FBXO42: variants seen among roughly 807,000 people sequenced by gnomAD.
FBXO42 encodes F-box only protein 42.
A neutral mutation model predicts 71.7 loss-of-function variants in FBXO42; 12 were observed. That is an observed-to-expected ratio of 0.17 (90% CI 0.11 to 0.27). FBXO42 has a LOEUF of 0.27. Among genes scored for constraint, FBXO42 ranks in the 10% least tolerant of loss-of-function variants. FBXO42 has a pLI of 1.00. For missense variants in FBXO42, 707 were observed against 911.9 expected (o/e 0.78, Z 2.89); for synonymous variants, 325 against 327.5 (o/e 0.99, Z 0.08).
chr1:16,331,937 CA>C (rs1278682041), intron 1 of FBXO42, among the ~76,000 whole-genome samples: 4 of 151,770 alleles, frequency 2.6e-5, no homozygotes, highest in African/African-American at 9.7e-5. Flanking sequence ...GTAATCCCAG[CA>C]CTCGGGAAGC....
intron 4 of FBXO42, among the ~76,000 whole-genome samples, chr1:16,275,874 T>C (rs2081895573): frequency 6.6e-6 from 1 of 151,858 alleles, no homozygotes; most frequent in Non-Finnish European, 1.5e-5. Context: ...GTGGTGGTGG[T>C]ACGTGCTTGT....
intron 4 of FBXO42, among the ~76,000 whole-genome samples, chr1:16,260,653 A>AT (rs2081701671): frequency 6.6e-6 from 1 of 152,158 alleles, no homozygotes; most frequent in East Asian, 1.9e-4. Context: ...AGAACTAATA[A>AT]GTGAAGAGCC....
At chr1:16,322,520 G>A (rs908025491) in intron 1 of FBXO42, among the ~76,000 whole-genome samples, 2 of 152,146 alleles carry the variant, frequency 1.3e-5, no homozygotes, top group Non-Finnish European at 2.9e-5. Context: ...AGGTTGCAGT[G>A]AGCTGAGATC....
intron 4 of FBXO42, among the ~76,000 whole-genome samples, chr1:16,281,737 AC>A (rs1450526063): frequency 6.7e-6 from 1 of 149,700 alleles, no homozygotes; most frequent in Non-Finnish European, 1.5e-5. Flanking sequence ...GCTCACTGTA[AC>A]CTCCACCTCC....
intron 4 of FBXO42, among the ~76,000 whole-genome samples, chr1:16,279,854 C>CTTTTTTTTTTTTTT (rs1553151074): frequency 2.2e-4 from 30 of 138,180 alleles, no homozygotes; most frequent in African/African-American, 7.1e-4. Context: ...TTTTTTTTTT[C>CTTTTTTTTTTTTTT]TTTTTTTTTT....
At chr1:16,308,652 C>T (rs2082279704) in intron 2 of FBXO42, among the ~76,000 whole-genome samples, 2 of 151,754 alleles carry the variant, frequency 1.3e-5, no homozygotes, top group African/African-American at 2.4e-5. Flanking sequence ...GCACACACCA[C>T]TGCACTCAGC....
At chr1:16,254,550 A>C (rs2081620589) in intron 6 of FBXO42, among the ~76,000 whole-genome samples, 1 of 152,204 alleles carries the variant, frequency 6.6e-6, no homozygotes, top group Non-Finnish European at 1.5e-5. Context: ...TTCACCCACA[A>C]AAATACAGGA....
intron 4 of FBXO42, chr1:16,293,485 G>T (rs1367884535): frequency 2.0e-5 from 3 of 152,238 alleles, no homozygotes; most frequent in Non-Finnish European, 4.4e-5. Flanking sequence ...GTTGTGACAG[G>T]AAGTGGAAGA....
At chr1:16,351,419 T>C (rs1184073117) in intron 1 of FBXO42, among the ~76,000 whole-genome samples, 2 of 152,188 alleles carry the variant, frequency 1.3e-5, no homozygotes, top group African/African-American at 4.8e-5. Context: ...TCTAGATCGA[T>C]CAGAATCCCA....
intron 1 of FBXO42, among the ~76,000 whole-genome samples, chr1:16,321,302 C>A (rs184162280): frequency 1.3e-5 from 2 of 152,312 alleles, no homozygotes; most frequent in African/African-American, 4.8e-5. Context: ...ATGCCCAACA[C>A]CAATTTGCAT....
At chr1:16,284,108 A>C (rs924618329) in intron 4 of FBXO42, among the ~76,000 whole-genome samples, 1 of 152,222 alleles carries the variant, frequency 6.6e-6, no homozygotes, top group Non-Finnish European at 1.5e-5. Flanking sequence ...ACAAAGGCTA[A>C]GTCATACAAA....
At chr1:16,321,938 G>A (rs2082412354) in intron 1 of FBXO42, among the ~76,000 whole-genome samples, 2 of 151,732 alleles carry the variant, frequency 1.3e-5, no homozygotes, top group South Asian at 2.1e-4. Flanking sequence ...GGAGTCCGAG[G>A]TGGGTGGATC....
Position 16,303,150 on chromosome 1 carries a change from C to A in FBXO42, c.367+2653G>T, listed in dbSNP as rs115548401. On this transcript the variant is annotated intron_variant, in intron 3 of 9. Transcript: ENST00000375592. ...GGTTCATGTGGCTGAAGTCTGGCTA[C>A]CTAAGGATGCAGCAGTGAGTCAGGC... is the stretch of plus-strand genomic sequence containing the variant. 5.1e-3 allele frequency among the ~76,000 whole-genome samples: 776 copies of A among 152,236 alleles called. 7 individuals carry two copies. Among genetic ancestry groups the A allele is most frequent in the African/African-American group, 0.018 (743 of 41,530 alleles).
chr1:16,291,740 T>G (rs1443591758), intron 4 of FBXO42, among the ~76,000 whole-genome samples: 4 of 152,042 alleles, frequency 2.6e-5, no homozygotes, highest in Admixed American at 2.0e-4. Flanking sequence ...GGAGCAATCA[T>G]CACTCACTGT....
At chr1:16,277,739 A>T (rs978865133) in intron 4 of FBXO42, among the ~76,000 whole-genome samples, 10 of 143,830 alleles carry the variant, frequency 7.0e-5, no homozygotes, top group African/African-American at 2.6e-4. Context: ...AAAAAAAAAA[A>T]TTAAAAAATT....
At chr1:16,323,203 G>T (rs574081524) in intron 1 of FBXO42, among the ~76,000 whole-genome samples, 2 of 152,064 alleles carry the variant, frequency 1.3e-5, no homozygotes, top group South Asian at 4.2e-4. Context: ...GGAATCACAA[G>T]GTCAGGAGTT....
chr1:16,326,071 T>C (rs1386358627), intron 1 of FBXO42, among the ~76,000 whole-genome samples: 1 of 151,386 alleles, frequency 6.6e-6, no homozygotes, highest in African/African-American at 2.4e-5. Flanking sequence ...TGTGTGTGTT[T>C]TGAGATGGAA....
chr1:16,334,116 G>A (rs2082527114), intron 1 of FBXO42, among the ~76,000 whole-genome samples: 1 of 152,152 alleles, frequency 6.6e-6, no homozygotes, highest in South Asian at 2.1e-4. Flanking sequence ...AATATGGGGA[G>A]GACAGAAGTG....
intron 1 of FBXO42, among the ~76,000 whole-genome samples, chr1:16,322,247 A>C (rs1289235657): frequency 6.6e-6 from 1 of 151,826 alleles, no homozygotes; most frequent in East Asian, 1.9e-4. Context: ...AGAGGAAACT[A>C]TTTATTTGGC....
Sources: allele counts gnomAD v4.1 joint callset (sites outside exome capture counted in the v4.1 genomes callset), GRCh38; gene constraint gnomAD v4.1.1; transcripts MANE v1.5; gene names NCBI Gene and HGNC (gene_info 2026-07-23, HGNC 2026-07-21).